The following LENG9 variants were observed in gnomAD, a reference collection of about 807,000 sequenced individuals.
The protein encoded by LENG9 is leukocyte receptor cluster (LRC) member 9.
For missense variants in LENG9, 872 were observed against 652.7 expected (o/e 1.34, Z -3.66); for synonymous variants, 410 against 303.9 (o/e 1.35, Z -3.63).
Position 54,463,487 on chromosome 19 carries a change from G to A in LENG9, c.40C>T (p.Pro14Ser). The stretch of plus-strand genomic sequence containing the variant: ...GGCGGGGGCGCGGGTTCCGTGGCGG[G>A]GGCTTCCTGCGGCAACTCCGGCTCT... ...AREPELPQEA[P>S]ATEPAPPPAC... Residue 14 changes from proline to serine, a missense_variant, in exon 1 of 1, where the codon CCC becomes TCC. Coordinates refer to ENST00000611161, the MANE Select transcript of LENG9 (RefSeq NM_001301782.2). 7.6e-6 allele frequency: 10 copies of A among 1,308,912 alleles called. No homozygotes were observed. Among genetic ancestry groups the A allele is most frequent in the Non-Finnish European group, 9.7e-6 (10 of 1,027,248 alleles). 81.1% of individuals were successfully genotyped at this position (1,308,912 alleles called of 1,614,324 possible). A position where few individuals can be genotyped will look rare whatever the true frequency, so the allele number is the denominator to read the frequency against.
Position 54,462,684 on chromosome 19 carries a change from C to T in LENG9, c.843G>A (p.Glu281=), listed in dbSNP as rs751814586. 1.3e-5 allele frequency: 21 copies of T among 1,611,516 alleles called. No individual in the cohort carries two copies. The highest frequency in any genetic ancestry group is 1.7e-5 in the Non-Finnish European group (20 of 1,180,022). The change falls in exon 1 of 1, where the codon GAG becomes GAA. Residue 281 remains glutamate (E), a synonymous_variant. Transcript: ENST00000611161. The part of the protein sequence containing the change: ...EAEWGPAAWP[E]DKRARLSVAA... Reference sequence around the variant, plus strand: ...CAACACTAAGGCGGGCCCTTTTGTCCTCGGGCCAGGCCGCAGGACCCCACT... The same window carrying T: ...CAACACTAAGGCGGGCCCTTTTGTCTTCGGGCCAGGCCGCAGGACCCCACT...
rs147040266 is a variant in LENG9 at position 54,462,438 on chromosome 19, G to T, written c.1089C>A (p.Ala363=). Residue 363 remains alanine, a synonymous_variant, in exon 1 of 1, where the codon GCC becomes GCA. Transcript: ENST00000611161. The part of the protein sequence containing the change: ...EAAAIGALRR[A]LLAPGLNAPP... ...GTGCATTTAGCCCCGGGGCCAAGAGGGCCCGTCTCAGAGCTCCAATGGCAG... is the reference window on the plus strand; with the variant it reads ...GTGCATTTAGCCCCGGGGCCAAGAGTGCCCGTCTCAGAGCTCCAATGGCAG... 1.1e-4 allele frequency: 171 copies of T among 1,613,394 alleles called. No individual in the cohort carries two copies. Among genetic ancestry groups the T allele is most frequent in the Non-Finnish European group, 1.4e-4 (165 of 1,179,988 alleles).
rs2084677675 is a variant in LENG9, at chr19:54,463,709, C to A, written c.-183G>T. On this transcript the variant is annotated 5_prime_UTR_variant, in exon 1 of 1. Coordinates refer to ENST00000611161, the MANE Select transcript of LENG9 (RefSeq NM_001301782.2). Reference sequence around the variant, plus strand: ...GGCCCAGTCCCTCCTTGGTGGAGAGCCTGACACCGCTGCTCTGGGACTTCC... The same window carrying A: ...GGCCCAGTCCCTCCTTGGTGGAGAGACTGACACCGCTGCTCTGGGACTTCC... 4 of 772,638 alleles carry A rather than the reference C, an allele frequency of 5.2e-6. No homozygotes were observed. In the Admixed American group the frequency reaches 1.3e-4, roughly 26 times the overall value. 47.9% of individuals were successfully genotyped at this position (772,638 alleles called of 1,614,324 possible).
chr19:54,462,731 AG>A lies in LENG9; in HGVS notation c.795del (p.Ser266ProfsTer40), dbSNP rs2084633009. On this transcript the variant is annotated frameshift_variant, in exon 1 of 1. Coordinates refer to ENST00000611161, the MANE Select transcript of LENG9 (RefSeq NM_001301782.2). LOFTEE classifies it low-confidence loss of function (END_TRUNC). ...KEAQALGVPG[G>X]SAETTEAEWG... ...CACTCGGCTTCTGTCGTCTCAGCGG[AG>A]CCCCCCGGGACTCCCAGGGCCTGTG... 1 of 1,610,518 alleles carries A rather than the reference AG, an allele frequency of 6.2e-7. No homozygotes were observed. Among genetic ancestry groups the A allele is most frequent in the Non-Finnish European group, 8.5e-7 (1 of 1,179,914 alleles).
At position 54,463,191 on chromosome 19, in the gene LENG9, C is replaced by A. The variant is rs1228251434; in HGVS notation, c.336G>T (p.Ala112=). 1.0e-5 allele frequency: 16 copies of A among 1,565,698 alleles called. No homozygotes were observed. Among genetic ancestry groups the A allele is most frequent in the Non-Finnish European group, 1.4e-5 (16 of 1,162,376 alleles). The change falls in exon 1 of 1, where the codon GCG becomes GCT. Residue 112 remains alanine (A), a synonymous_variant. Coordinates refer to ENST00000611161, the MANE Select transcript of LENG9 (RefSeq NM_001301782.2). ...SAFCWDQPLA[A]LGPGVLAVPQ... ...GCACTGCCAGCACGCCCGGCCCGAG[C>A]GCCGCCAGCGGCTGGTCCCAGCAAA...
In LENG9 at chr19:54,463,184, G is replaced by A; in HGVS notation, c.343C>T (p.Pro115Ser). The change falls in exon 1 of 1, where the codon CCG (proline) becomes TCG (serine). Residue 115 changes from proline (P) to serine (S), a missense_variant. Pro to Ser is a moderately conservative substitution (Grantham distance 74). Coordinates refer to ENST00000611161, the MANE Select transcript of LENG9 (RefSeq NM_001301782.2). ...TGCTGGGGCACTGCCAGCACGCCCG[G>A]CCCGAGCGCCGCCAGCGGCTGGTCC... ...CWDQPLAALG[P>S]GVLAVPQHRV... The A allele has an allele frequency of 6.4e-7, 1 of 1,571,546 alleles. No individual in the cohort carries two copies. The highest frequency in any genetic ancestry group is 8.6e-7 in the Non-Finnish European group (1 of 1,165,126).
At position 54,462,687 on chromosome 19, in the gene LENG9, G is replaced by A. The variant is rs1433908509; in HGVS notation, c.840C>T (p.Pro280=). The A allele has an allele frequency of 1.9e-6, 3 of 1,611,078 alleles. No homozygotes were observed. The highest frequency in any genetic ancestry group is 2.5e-6 in the Non-Finnish European group (3 of 1,179,984). Residue 280 remains proline (P), a synonymous_variant, in exon 1 of 1, where the codon CCC becomes CCT. Coordinates refer to ENST00000611161, the MANE Select transcript of LENG9 (RefSeq NM_001301782.2). Reference sequence around the variant, plus strand: ...CACTAAGGCGGGCCCTTTTGTCCTCGGGCCAGGCCGCAGGACCCCACTCGG... The same window carrying A: ...CACTAAGGCGGGCCCTTTTGTCCTCAGGCCAGGCCGCAGGACCCCACTCGG... ...TEAEWGPAAW[P]EDKRARLSVA...
At position 54,461,846 on chromosome 19, in the gene LENG9, T is replaced by A; in HGVS notation, c.*244A>T. The A allele has an allele frequency of 1.6e-6, 1 of 619,192 alleles. No individual in the cohort carries two copies. The highest frequency in any genetic ancestry group is 3.1e-6 in the Non-Finnish European group (1 of 322,950). The allele number at this position is 619,192 out of a possible 1,614,324, so 38.4% of individuals were successfully genotyped here. A position where few individuals can be genotyped will look rare whatever the true frequency, so the allele number is the denominator to read the frequency against. On this transcript the variant is annotated 3_prime_UTR_variant, in exon 1 of 1. Coordinates refer to ENST00000611161, the MANE Select transcript of LENG9 (RefSeq NM_001301782.2). ...TCTGCCATGTAACTGGAGGATGTGC[T>A]ATGAGTTTGCAAACAGCTGGACTGT...
rs749864918 is a variant in LENG9, at chr19:54,463,046, C to T, written c.481G>A (p.Ala161Thr). 3.1e-6 allele frequency: 5 copies of T among 1,601,828 alleles called. No individual in the cohort carries two copies. Among genetic ancestry groups the T allele is most frequent in the Non-Finnish European group, 3.4e-6 (4 of 1,178,940 alleles). The change falls in exon 1 of 1, where the codon GCA becomes ACA. Residue 161 changes from alanine (A) to threonine (T), a missense_variant. Ala to Thr is a moderately conservative substitution (Grantham distance 58). Coordinates refer to ENST00000611161, the MANE Select transcript of LENG9 (RefSeq NM_001301782.2). ...AAGRGPTILD[A>T]PNTEGAHGAE... ...CCGTGGGCGCCCTCGGTGTTCGGTG[C>T]GTCCAGGATGGTGGGCCCGCGTCCC... is the stretch of plus-strand genomic sequence containing the variant.
rs1471014148 is a variant in LENG9 at position 54,462,964 on chromosome 19, G to C, written c.563C>G (p.Pro188Arg). The C allele has an allele frequency of 1.2e-6, 2 of 1,608,700 alleles. No individual in the cohort carries two copies. The highest frequency in any genetic ancestry group is 2.7e-5 in the African/African-American group (2 of 74,912). ...GAGCGGCCTTGTGCTCCCTCGCTTG[G>C]GGGCAGCCTGGGCCTCCTGACCTGT... ...AGTGQEAQAA[P>R]KRGSTRPLCT... The change falls in exon 1 of 1, where the codon CCC (proline) becomes CGC (arginine). Residue 188 changes from proline to arginine, a missense_variant. Transcript: ENST00000611161.
chr19:54,463,545 C>A lies in LENG9; in HGVS notation c.-19G>T, dbSNP rs934475366. 19 of 1,385,586 alleles carry A rather than the reference C, an allele frequency of 1.4e-5. No homozygotes were observed. The highest frequency in any genetic ancestry group is 1.6e-5 in the Non-Finnish European group (17 of 1,065,154). The allele number at this position is 1,385,586 out of a possible 1,614,324, so 85.8% of individuals were successfully genotyped here. Reference sequence around the variant, plus strand: ...CTGCCATGGGTGCGGGGAACTGGCACGCCCGCCGCGCAGACGAGGTCGCCC... The same window carrying A: ...CTGCCATGGGTGCGGGGAACTGGCAAGCCCGCCGCGCAGACGAGGTCGCCC... On this transcript the variant is annotated 5_prime_UTR_variant, in exon 1 of 1. Coordinates refer to ENST00000611161, the MANE Select transcript of LENG9 (RefSeq NM_001301782.2).
At position 54,462,817 on chromosome 19, in the gene LENG9, A is replaced by G. The variant is rs1437363586; in HGVS notation, c.710T>C (p.Val237Ala). ...TLAPRGRLAG[V>A]TEALKPTAAT... is the part of the protein sequence containing the mutation. ...TGCTGTTGGCTTCAGTGCCTCAGTC[A>G]CTCCGGCGAGGCGTCCTCTTGGGGC... is the stretch of plus-strand genomic sequence containing the variant. Residue 237 changes from valine to alanine, a missense_variant, in exon 1 of 1, where the codon GTG becomes GCG. By Grantham distance (64) the Val-to-Ala change is moderately conservative. Transcript: ENST00000611161. The G allele has an allele frequency of 3.3e-5, 52 of 1,596,706 alleles. No homozygotes were observed. The highest frequency in any genetic ancestry group is 4.4e-5 in the Non-Finnish European group (52 of 1,172,602).
At position 54,463,772 on chromosome 19, in the gene LENG9, C is replaced by T; in HGVS notation, c.-246G>A. 2.3e-6 allele frequency: 1 copy of T among 428,846 alleles called. No individual in the cohort carries two copies. The highest frequency in any genetic ancestry group is 3.9e-6 in the Non-Finnish European group (1 of 259,604). The allele number at this position is 428,846 out of a possible 1,614,324, so 26.6% of individuals were successfully genotyped here. On this transcript the variant is annotated 5_prime_UTR_variant, in exon 1 of 1. Coordinates refer to ENST00000611161, the MANE Select transcript of LENG9 (RefSeq NM_001301782.2). ...CCCCCAGCGCCAGGAAAGCAAGCTGCGTAAAGGCTGCGGCAGTCTCGGTCT... is the reference window on the plus strand; with the variant it reads ...CCCCCAGCGCCAGGAAAGCAAGCTGTGTAAAGGCTGCGGCAGTCTCGGTCT...
Position 54,463,294 on chromosome 19 carries a change from G to C in LENG9, c.233C>G (p.Pro78Arg), listed in dbSNP as rs779255940. 1 of 1,534,118 alleles carries C rather than the reference G, an allele frequency of 6.5e-7. No individual in the cohort carries two copies. Among genetic ancestry groups the C allele is most frequent in the South Asian group, 1.2e-5 (1 of 83,908 alleles). Residue 78 changes from proline to arginine, a missense_variant, in exon 1 of 1, where the codon CCG becomes CGG. Physicochemically the swap from Pro to Arg is moderately radical, Grantham distance 103. Coordinates refer to ENST00000611161, the MANE Select transcript of LENG9 (RefSeq NM_001301782.2). ...CGAGAAGTCGGCGGGGTCGAGGCGC[G>C]GGTCCCAGCGGATGCGCTGGATGAC... Reference protein sequence around the residue: ...ADVIQRIRWDPRLDPADFSVG... With the variant: ...ADVIQRIRWDRRLDPADFSVG...
rs1473815191 is a variant in LENG9 at position 54,463,470 on chromosome 19, C to G, written c.57G>C (p.Ala19=). The change falls in exon 1 of 1, where the codon GCG becomes GCC. Residue 19 remains alanine, a synonymous_variant. Coordinates refer to ENST00000611161, the MANE Select transcript of LENG9 (RefSeq NM_001301782.2). ...LPQEAPATEP[A]PPPACRFFLE... ...GGAAGAAGCGGCAGGCCGGCGGGGGCGCGGGTTCCGTGGCGGGGGCTTCCT... is the reference window on the plus strand; with the variant it reads ...GGAAGAAGCGGCAGGCCGGCGGGGGGGCGGGTTCCGTGGCGGGGGCTTCCT... 1.5e-6 allele frequency: 2 copies of G among 1,292,886 alleles called. No individual in the cohort carries two copies. Among genetic ancestry groups the G allele is most frequent in the East Asian group, 6.3e-5 (2 of 31,960 alleles). The allele number at this position is 1,292,886 out of a possible 1,614,324, so 80.1% of individuals were successfully genotyped here.
chr19:54,462,915 G>T lies in LENG9; in HGVS notation c.612C>A (p.Gly204=). ...CCTCCAGCTCTCCGGGTTCCTCCAC[G>T]CCTGGTTCCTGGTGCCCTGTGCAGA... ...RPLCTGHQEP[G]VEEPGELEAA... is the part of the protein sequence containing the mutation. Residue 204 remains glycine (G), a synonymous_variant, in exon 1 of 1, where the codon GGC becomes GGA. Transcript: ENST00000611161. 2 of 1,612,472 alleles carry T rather than the reference G, an allele frequency of 1.2e-6. No homozygotes were observed. The highest frequency in any genetic ancestry group is 1.7e-6 in the Non-Finnish European group (2 of 1,179,946).
rs772246867 is a variant in LENG9, at chr19:54,462,921, T to A, written c.606A>T (p.Glu202Asp). Reference sequence around the variant, plus strand: ...GCTCTCCGGGTTCCTCCACGCCTGGTTCCTGGTGCCCTGTGCAGAGCGGCC... The same window carrying A: ...GCTCTCCGGGTTCCTCCACGCCTGGATCCTGGTGCCCTGTGCAGAGCGGCC... ...STRPLCTGHQ[E>D]PGVEEPGELE... is the part of the protein sequence containing the mutation. The change falls in exon 1 of 1, where the codon GAA (glutamate) becomes GAT (aspartate). Residue 202 changes from glutamate (E) to aspartate (D), a missense_variant. Transcript: ENST00000611161. 6 of 1,612,316 alleles carry A rather than the reference T, an allele frequency of 3.7e-6. No individual in the cohort carries two copies. In the African/African-American group the frequency reaches 8.0e-5, roughly 22 times the overall value.
In LENG9 at chr19:54,462,468, C is replaced by T. The variant is rs752491625; in HGVS notation, c.1059G>A (p.Glu353=). ...GTCTCAGAGCTCCAATGGCAGCGGCCTCCTCCCCAGCGCCTGCCAGTCGCA... is the reference window on the plus strand; with the variant it reads ...GTCTCAGAGCTCCAATGGCAGCGGCTTCCTCCCCAGCGCCTGCCAGTCGCA... ...ALLRLAGAGE[E]AAAIGALRRA... Residue 353 remains glutamate, a synonymous_variant, in exon 1 of 1, where the codon GAG becomes GAA. Coordinates refer to ENST00000611161, the MANE Select transcript of LENG9 (RefSeq NM_001301782.2). 1.2e-6 allele frequency: 2 copies of T among 1,613,290 alleles called. No individual in the cohort carries two copies. Among genetic ancestry groups the T allele is most frequent in the Non-Finnish European group, 1.7e-6 (2 of 1,180,042 alleles).
At position 54,462,413 on chromosome 19, in the gene LENG9, G is replaced by T. The variant is rs776962788; in HGVS notation, c.1114C>A (p.Pro372Thr). Residue 372 changes from proline (P) to threonine (T), a missense_variant, in exon 1 of 1, where the codon CCC becomes ACC. Physicochemically the swap from Pro to Thr is conservative, Grantham distance 38 (BLOSUM62 -1). Transcript: ENST00000611161. ...AGCTTTCTAAAGCTCAGCCGAGGGG[G>T]TGCATTTAGCCCCGGGGCCAAGAGG... ...RALLAPGLNA[P>T]PRLSFRKLVL... The T allele has an allele frequency of 1.3e-5, 21 of 1,613,322 alleles. No individual in the cohort carries two copies. In the African/African-American group the frequency reaches 2.5e-4, roughly 19 times the overall value.
Sources: allele counts gnomAD v4.1 joint callset, GRCh38; gene constraint gnomAD v4.1.1; transcripts MANE v1.5; gene names NCBI Gene and HGNC (gene_info 2026-07-23, HGNC 2026-07-21).